CPT1A: variants seen among roughly 807,000 people sequenced by gnomAD.
The protein encoded by CPT1A is carnitine O-palmitoyltransferase 1, liver isoform.
Under a neutral mutation model 100.8 loss-of-function variants are expected in CPT1A, and 64 were observed. The ratio of observed to expected loss-of-function variants is 0.63; its 90% CI spans 0.52 to 0.78. The LOEUF is 0.78. Among genes scored for constraint, CPT1A ranks in the 30% least tolerant of loss-of-function variants. The probability of loss-of-function intolerance (pLI) is 0.00; values close to 1 mark genes in which losing one functional copy is unlikely to be tolerated. For synonymous variants in CPT1A, 363 were observed against 396.0 expected (o/e 0.92, Z 0.99); for missense variants, 802 against 1,034.1 (o/e 0.78, Z 3.08).
intron 3 of CPT1A, 130 bp from the exon 4 acceptor site, chr11:68,807,768 C>G (rs1856089296): frequency 1.2e-6 from 1 of 852,988 alleles, no homozygotes; most frequent in South Asian, 1.4e-5. Context: ...CCGGGAAAGT[C>G]AGAGGGAGAG....
At position 68,815,385 on chromosome 11, in the gene CPT1A, T is replaced by A; in HGVS notation, c.90A>T (p.Gln30His). Residue 30 changes from glutamine to histidine, a missense_variant, in exon 2 of 19, where the codon CAA becomes CAT. By Grantham distance (24) the Gln-to-His change is conservative. Coordinates refer to ENST00000265641, the MANE Select transcript of CPT1A (RefSeq NM_001876.4). The stretch of plus-strand genomic sequence containing the variant: ...AGGAATGAAGTCCAGAGAGATAGAT[T>A]TGTCTAAGAGCTTCATGGCTCAGCC... ...DLRLSHEALR[Q>H]IYLSGLHSWK... The A allele has an allele frequency of 6.2e-7, 1 of 1,614,188 alleles. No homozygotes were observed. Among genetic ancestry groups the A allele is most frequent in the Non-Finnish European group, 8.5e-7 (1 of 1,180,032 alleles).
chr11:68,816,939 GGTGA>G lies in CPT1A; in HGVS notation c.-13-1456_-13-1453del, dbSNP rs201300406. Among the ~76,000 whole-genome samples the G allele has an allele frequency of 4.7e-3, 537 of 114,628 alleles. 6 individuals are homozygous for G. The highest frequency in any genetic ancestry group is 0.016 in the African/African-American group (477 of 30,430). The allele number at this position is 114,628 out of a possible 152,430, so 75.2% of individuals were successfully genotyped here. A position where few individuals can be genotyped will look rare whatever the true frequency, so the allele number is the denominator to read the frequency against. ...GGTGTGTGTGTGGGTGTGTGTGTGG[GGTGA>G]GTGTGTGTGGTGTGTATGGTGTGTG... On this transcript the variant is annotated intron_variant, in intron 1 of 18. Coordinates refer to ENST00000265641, the MANE Select transcript of CPT1A (RefSeq NM_001876.4).
At position 68,789,404 on chromosome 11, in the gene CPT1A, A is replaced by AT. The variant is rs766491901; in HGVS notation, c.967+3910dup. The stretch of plus-strand genomic sequence containing the variant: ...TGCTCATATACATTTACCTTTCTTT[A>AT]TTTTTTTTTTTTGACAGGGTCTTGC... On this transcript the variant is annotated intron_variant, in intron 9 of 18. Coordinates refer to ENST00000265641, the MANE Select transcript of CPT1A (RefSeq NM_001876.4). Among the ~76,000 whole-genome samples, 1,143 of 145,270 alleles carry AT rather than the reference A, an allele frequency of 7.9e-3. 15 individuals carry two copies. Among genetic ancestry groups the AT allele is most frequent in the African/African-American group, 0.025 (979 of 39,850 alleles).
intron 3 of CPT1A, among the ~76,000 whole-genome samples, chr11:68,811,377 TC>T (rs751918893): frequency 6.6e-5 from 10 of 152,272 alleles, no homozygotes; most frequent in Non-Finnish European, 1.2e-4. Context: ...CAGGGACACT[TC>T]CGAGACACTG....
At chr11:68,826,606 C>T (rs187347866) in intron 1 of CPT1A, among the ~76,000 whole-genome samples, 64 of 148,378 alleles carry the variant, frequency 4.3e-4, no homozygotes, top group African/African-American at 1.4e-3. Flanking sequence ...GGCGTGGTGG[C>T]GGGCGCCTGT....
upstream of CPT1A, among the ~76,000 whole-genome samples, chr11:68,842,466 G>C (rs1857181847): frequency 6.6e-6 from 1 of 151,994 alleles, no homozygotes; most frequent in African/African-American, 2.4e-5. Context: ...GGAAGTGATA[G>C]ATCGGACATT....
In CPT1A at chr11:68,784,975, C is replaced by T. The variant is rs112620511; in HGVS notation, c.1003G>A (p.Val335Ile). The T allele has an allele frequency of 3.7e-5, 60 of 1,613,890 alleles. No homozygotes were observed. Among genetic ancestry groups the T allele is most frequent in the East Asian group, 1.8e-4 (8 of 44,888 alleles). The change falls in exon 10 of 19, where the codon GTC becomes ATC. Residue 335 changes from valine (V) to isoleucine (I), a missense_variant. Physicochemically the swap from Val to Ile is conservative, Grantham distance 29 (BLOSUM62 3). Transcript: ENST00000265641. ...AAGTAGCGTCCTCGATGGTACACGA[C>T]GATGTGCTTGCTGTCTCTCATGTGC... is the stretch of plus-strand genomic sequence containing the variant. ...IQHMRDSKHI[V>I]VYHRGRYFKV...
At chr11:68,823,903 G>A (rs1309652857) in intron 1 of CPT1A, among the ~76,000 whole-genome samples, 1 of 152,074 alleles carries the variant, frequency 6.6e-6, no homozygotes, top group East Asian at 1.9e-4. Context: ...AATACCGCAT[G>A]TTCTCACCTA....
chr11:68,792,824 G>A lies in CPT1A; in HGVS notation c.967+491C>T, dbSNP rs536375031. On this transcript the variant is annotated intron_variant, in intron 9 of 18. Transcript: ENST00000265641. ...AGCACTTCGGGAGGCCGAAGCGGGC[G>A]GATCACTTGAGTCCAGGAGTTTGAG... 8.5e-5 allele frequency among the ~76,000 whole-genome samples: 13 copies of A among 152,300 alleles called. No individual in the cohort carries two copies. In the East Asian group the frequency reaches 1.2e-3, roughly 14 times the overall value.
At chr11:68,819,139 C>T (rs1856511253) in intron 1 of CPT1A, among the ~76,000 whole-genome samples, 1 of 152,082 alleles carries the variant, frequency 6.6e-6, no homozygotes, top group Admixed American at 6.6e-5. Context: ...AGTGCAGCGG[C>T]GCCATCTCAG....
chr11:68,844,230 C>T (rs966949165), upstream of CPT1A: 1 of 152,272 alleles, frequency 6.6e-6, no homozygotes, highest in Non-Finnish European at 1.5e-5. Context: ...GCCTTATTCC[C>T]CTCCCGCCGA....
chr11:68,813,248 A>C (rs779150183), intron 2 of CPT1A, among the ~76,000 whole-genome samples: 88 of 151,968 alleles, frequency 5.8e-4, no homozygotes, highest in Non-Finnish European at 1.2e-3. Context: ...TGACCAAAGC[A>C]GGCCAGGTGC....
At chr11:68,827,962 C>A (rs1856774572) in intron 1 of CPT1A, among the ~76,000 whole-genome samples, 1 of 152,220 alleles carries the variant, frequency 6.6e-6, no homozygotes, top group African/African-American at 2.4e-5. Context: ...GCTCAGGGAA[C>A]TTCTCTGTTC....
At chr11:68,769,159 T>C (rs1488977977) in intron 14 of CPT1A, among the ~76,000 whole-genome samples, 1 of 152,170 alleles carries the variant, frequency 6.6e-6, no homozygotes. Context: ...CCCCGTCCCC[T>C]ACTGATGTCA....
intron 1 of CPT1A, among the ~76,000 whole-genome samples, chr11:68,837,175 G>A (rs1857030363): frequency 6.6e-6 from 1 of 152,040 alleles, no homozygotes. Context: ...TCAGCCTCCC[G>A]AGTAGCTGGG....
At chr11:68,793,607 A>G (rs1172277058) in intron 8 of CPT1A, among the ~76,000 whole-genome samples, 4 of 151,972 alleles carry the variant, frequency 2.6e-5, no homozygotes, top group Non-Finnish European at 5.9e-5. Context: ...TTAGCCGGGC[A>G]TGGTGTCGGG....
At chr11:68,775,214 C>T in intron 13 of CPT1A, 102 bp downstream of exon 13, 1 of 983,170 alleles carries the variant, frequency 1.0e-6, no homozygotes, top group Non-Finnish European at 1.6e-6. Flanking sequence ...TTCAACTGAG[C>T]TCATGATAGG....
intron 1 of CPT1A, among the ~76,000 whole-genome samples, chr11:68,817,106 TGTGTGTGG>T (rs1856443938): frequency 1.5e-5 from 2 of 137,312 alleles, no homozygotes; most frequent in East Asian, 2.2e-4. Context: ...GTGTGGTGTG[TGTGTGTGG>T]GTGTGTGGTG....
intron 1 of CPT1A, among the ~76,000 whole-genome samples, chr11:68,837,448 G>A (rs767851008): frequency 8.9e-4 from 135 of 152,300 alleles, no homozygotes; most frequent in Non-Finnish European, 1.5e-3. Flanking sequence ...AGCCAGGGCT[G>A]GTGGGCGAAG....
Sources: allele counts gnomAD v4.1 joint callset (sites outside exome capture counted in the v4.1 genomes callset), GRCh38; gene constraint gnomAD v4.1.1; transcripts MANE v1.5; gene names NCBI Gene and HGNC (gene_info 2026-07-23, HGNC 2026-07-21).